The following NUDC variants were observed in gnomAD, a reference collection of about 807,000 sequenced individuals.
The protein encoded by NUDC is nuclear distribution C, dynein complex regulator.
NUDC carries 14 observed loss-of-function variants against 45.0 expected under a neutral mutation model. The observed-to-expected ratio is 0.31, with a 90% CI of 0.21 to 0.49. The LOEUF is 0.49. Among genes scored for constraint, NUDC ranks in the 20% least tolerant of loss-of-function variants. The pLI is 0.99. For synonymous variants in NUDC, 153 were observed against 156.7 expected, an observed-to-expected ratio of 0.98 and a Z score of 0.17; for missense variants, 323 against 426.2, an observed-to-expected ratio of 0.76 and a Z score of 2.13.
At chr1:26,900,964 A>G (rs994126589) in intron 1 of NUDC, among the ~76,000 whole-genome samples, 1 of 152,202 alleles carries the variant, frequency 6.6e-6, no homozygotes, top group Non-Finnish European at 1.5e-5. Context: ...GCACAACTCA[A>G]TAATAAAAGA....
chr1:26,922,167 G>A, intron 1 of NUDC: 1 of 583,542 alleles, frequency 1.7e-6, no homozygotes, highest in Non-Finnish European at 3.1e-6. Flanking sequence ...CCTGAGCTTA[G>A]GATCCCCCTT....
Position 26,942,770 on chromosome 1 carries a change from G to A in NUDC, c.540G>A (p.Glu180=). The change falls in exon 5 of 9, where the codon GAG becomes GAA. Residue 180 remains glutamate (E), a synonymous_variant. Coordinates refer to ENST00000321265, the MANE Select transcript of NUDC (RefSeq NM_006600.4). ...ACCGCTGGACCCAGACCCTGTCGGA[G>A]CTGGACGTGAGTGTCAGGGACCAGA... ...PNYRWTQTLS[E]LDLAVPFCVN... The A allele has an allele frequency of 6.2e-7, 1 of 1,614,228 alleles. No homozygotes were observed. Among genetic ancestry groups the A allele is most frequent in the Admixed American group, 1.7e-5 (1 of 60,030 alleles).
chr1:26,945,345 G>A (rs1000046580), intron 6 of NUDC, 45 bp from the exon 7 acceptor site: 11 of 1,517,368 alleles, frequency 7.2e-6, no homozygotes, highest in Non-Finnish European at 1.0e-5. Context: ...GATTCCTGGT[G>A]CACAGAGCAG....
chr1:26,909,269 C>T (rs1297248211), intron 2 of NUDC, among the ~76,000 whole-genome samples: 1 of 152,104 alleles, frequency 6.6e-6, no homozygotes, highest in Non-Finnish European at 1.5e-5. Context: ...GCCACTGAGC[C>T]CGGCCCCTAG....
intron 2 of NUDC, among the ~76,000 whole-genome samples, chr1:26,941,235 C>T (rs748179584): frequency 6.6e-6 from 1 of 151,926 alleles, no homozygotes; most frequent in Non-Finnish European, 1.5e-5. Flanking sequence ...GGCCAAGCAT[C>T]ACTTTTTAAA....
rs754456845 is a variant in NUDC at position 26,942,737 on chromosome 1, G to A, written c.507G>A (p.Leu169=). 5.0e-6 allele frequency: 8 copies of A among 1,614,124 alleles called. No homozygotes were observed. Among genetic ancestry groups the A allele is most frequent in the African/African-American group, 4.0e-5 (3 of 74,956 alleles). The change falls in exon 5 of 9, where the codon CTG becomes CTA. Residue 169 remains leucine (L), a synonymous_variant. Transcript: ENST00000321265. ...CCAACCTAGGCAACGGGGCAGACCTGCCCAATTACCGCTGGACCCAGACCC... is the reference window on the plus strand; with the variant it reads ...CCAACCTAGGCAACGGGGCAGACCTACCCAATTACCGCTGGACCCAGACCC... The part of the protein sequence containing the change: ...LKPNLGNGAD[L]PNYRWTQTLS...
chr1:26,904,480 C>T (rs995248565), intron 2 of NUDC, among the ~76,000 whole-genome samples: 10 of 152,140 alleles, frequency 6.6e-5, no homozygotes. Context: ...GGCTAGAGTC[C>T]ATTGGCGCAA....
chr1:26,917,140 C>A (rs2082065760), upstream of NUDC, among the ~76,000 whole-genome samples: 1 of 151,662 alleles, frequency 6.6e-6, no homozygotes, highest in African/African-American at 2.4e-5. Flanking sequence ...CCCCTGTAGT[C>A]CCAGCTACTA....
chr1:26,942,853 T>C lies in NUDC; in HGVS notation c.547-18T>C. The stretch of plus-strand genomic sequence containing the variant: ...GCAGCACTTAGTGGCCTCTTCTGAC[T>C]GCCTCTGCCCTATGCAGCTGGCGGT... On this transcript the variant is annotated intron_variant, in intron 5 of 8. Transcript: ENST00000321265. The C allele has an allele frequency of 6.2e-7, 1 of 1,613,944 alleles. No individual in the cohort carries two copies. Among genetic ancestry groups the C allele is most frequent in the Non-Finnish European group, 8.5e-7 (1 of 1,180,010 alleles).
At chr1:26,928,220 A>C (rs1454428144) in intron 2 of NUDC, among the ~76,000 whole-genome samples, 1 of 152,178 alleles carries the variant, frequency 6.6e-6, no homozygotes, top group African/African-American at 2.4e-5. Flanking sequence ...GCAAAGCATG[A>C]TTTAATAAGT....
At chr1:26,941,968 CAG>C in intron 4 of NUDC, 150 bp downstream of exon 4, 1 of 820,718 alleles carries the variant, frequency 1.2e-6, no homozygotes, top group South Asian at 1.5e-5. Flanking sequence ...AGATCACACT[CAG>C]AGACATTGAA....
intron 2 of NUDC, among the ~76,000 whole-genome samples, chr1:26,905,304 G>T (rs972974839): frequency 2.0e-5 from 3 of 150,702 alleles, no homozygotes; most frequent in African/African-American, 7.3e-5. Context: ...GGGATTACAG[G>T]AACCTGCCAA....
chr1:26,916,459 A>G (rs967281738), intron 3 of NUDC, among the ~76,000 whole-genome samples: 32 of 152,016 alleles, frequency 2.1e-4, no homozygotes, highest in African/African-American at 5.8e-4. Context: ...TATTTGATCA[A>G]TGTGGTCAAT....
Position 26,941,596 on chromosome 1 carries a change from CAG to C in NUDC, c.300_301del (p.Gly101AlafsTer8). 1 of 1,612,420 alleles carries C rather than the reference CAG, an allele frequency of 6.2e-7. No individual in the cohort carries two copies. The highest frequency in any genetic ancestry group is 1.7e-5 in the Admixed American group (1 of 59,620). On this transcript the variant is annotated frameshift_variant, in exon 3 of 9. Coordinates refer to ENST00000321265, the MANE Select transcript of NUDC (RefSeq NM_006600.4). LOFTEE classifies it high-confidence loss of function. ...GCCAAGGAAGCCAAGTCAGAGACCTCAGGGCCCCAGATCAAGGAGCTAACTGA... is the reference window on the plus strand; with the variant it reads ...GCCAAGGAAGCCAAGTCAGAGACCTCGGCCCCAGATCAAGGAGCTAACTGA...
intron 2 of NUDC, among the ~76,000 whole-genome samples, chr1:26,924,915 C>G (rs948100667): frequency 6.6e-6 from 1 of 150,822 alleles, no homozygotes; most frequent in Non-Finnish European, 1.5e-5. Flanking sequence ...GAGTCTCATT[C>G]TGTTGCGCAG....
intron 2 of NUDC, among the ~76,000 whole-genome samples, chr1:26,908,293 C>A (rs1570709734): frequency 6.6e-6 from 1 of 152,290 alleles, no homozygotes; most frequent in African/African-American, 2.4e-5. Flanking sequence ...CAGATCCCAA[C>A]CCAGGATGCT....
chr1:26,925,707 T>C (rs900866802), intron 2 of NUDC, among the ~76,000 whole-genome samples: 6 of 151,494 alleles, frequency 4.0e-5, no homozygotes, highest in African/African-American at 7.3e-5. Flanking sequence ...AAAATTGTTA[T>C]ATCATGAGGA....
At chr1:26,909,388 G>A (rs898965405) in intron 2 of NUDC, among the ~76,000 whole-genome samples, 2 of 152,186 alleles carry the variant, frequency 1.3e-5, no homozygotes, top group African/African-American at 4.8e-5. Context: ...AAAGTGCTGG[G>A]ATGACAGGCA....
At chr1:26,921,703 G>T, upstream of NUDC, 1 of 832,528 alleles carries the variant, frequency 1.2e-6, no homozygotes. Context: ...GGTGGAGGCG[G>T]GCCTGGGCAG....
Sources: gnomAD v4.1 joint callset for allele counts (sites outside exome capture counted in the v4.1 genomes callset) on GRCh38, gnomAD v4.1.1 for gene constraint, MANE v1.5 for transcripts, NCBI Gene and HGNC (gene_info 2026-07-23, HGNC 2026-07-21) for gene names.